DUSP12: variants seen among roughly 807,000 people sequenced by gnomAD.
DUSP12 encodes the protein dual specificity phosphatase 12, also known as dual specificity protein phosphatase 12.
A neutral mutation model predicts 38.9 loss-of-function variants in DUSP12; 25 were observed. That is an observed-to-expected ratio of 0.64 (90% CI 0.47 to 0.90). The LOEUF (loss-of-function observed/expected upper bound fraction) is 0.90, where lower values mean the gene tolerates loss of function less well. Among genes scored for constraint, DUSP12 ranks in the 40% least tolerant of loss-of-function variants. The pLI is 0.00. For synonymous variants in DUSP12, 153 were observed against 153.9 expected (o/e 0.99, Z 0.05); for missense variants, 403 against 427.0 (o/e 0.94, Z 0.50).
At chr1:161,752,979 G>C (rs1316295581) in intron 4 of DUSP12, 96 bp from the exon 5 acceptor site, 21 of 1,208,404 alleles carry the variant, frequency 1.7e-5, no homozygotes, top group Non-Finnish European at 2.1e-5. Context: ...GACAGAGTGA[G>C]ACTCTGTCTC....
rs2101692838 is a variant in DUSP12 at position 161,750,293 on chromosome 1, C to T, written c.344+148C>T. 5 of 854,196 alleles carry T rather than the reference C, an allele frequency of 5.9e-6. No homozygotes were observed. In the East Asian group the frequency reaches 1.1e-4, roughly 18 times the overall value. 52.9% of individuals were successfully genotyped at this position (854,196 alleles called of 1,614,324 possible). The stretch of plus-strand genomic sequence containing the variant: ...CTGCCTCCCGCAGGAGGCGTGTTTC[C>T]AAGAGAGGAGGAGGGTTGAGGCGGG... On this transcript the variant is annotated intron_variant, in intron 1 of 5. Transcript: ENST00000367943.
At position 161,752,479 on chromosome 1, in the gene DUSP12, A is replaced by G; in HGVS notation, c.674+15A>G. Reference sequence around the variant, plus strand: ...AGAAAGTGCAGGTAAACTATTTTATATCCTTTGGATATTTTATCTTGTCTC... The same window carrying G: ...AGAAAGTGCAGGTAAACTATTTTATGTCCTTTGGATATTTTATCTTGTCTC... On this transcript the variant is annotated intron_variant, in intron 4 of 5. Transcript: ENST00000367943. The G allele has an allele frequency of 6.6e-7, 1 of 1,526,616 alleles. No individual in the cohort carries two copies. The highest frequency in any genetic ancestry group is 9.0e-7 in the Non-Finnish European group (1 of 1,108,316). 94.6% of individuals were successfully genotyped at this position (1,526,616 alleles called of 1,614,324 possible). A position where few individuals can be genotyped will look rare whatever the true frequency, so the allele number is the denominator to read the frequency against.
At chr1:161,754,322 T>C (rs1010646047) in intron 5 of DUSP12, among the ~76,000 whole-genome samples, 2 of 152,188 alleles carry the variant, frequency 1.3e-5, no homozygotes, top group African/African-American at 4.8e-5. Context: ...CATTTTCGGA[T>C]AATGCTGCTT....
At chr1:161,750,547 T>A (rs566664666) in intron 1 of DUSP12, among the ~76,000 whole-genome samples, 15 of 152,312 alleles carry the variant, frequency 9.8e-5, no homozygotes, top group Non-Finnish European at 1.9e-4. Context: ...TGTTTTTGTT[T>A]GGGATGGGTG....
chr1:161,751,648 T>G lies in DUSP12; in HGVS notation c.345-20T>G. On this transcript the variant is annotated intron_variant, in intron 1 of 5. Coordinates refer to ENST00000367943, the MANE Select transcript of DUSP12 (RefSeq NM_007240.3). ...TAATTGTTGCTATTTGCTGTTTTAT[T>G]TTAAAGGTCTCTTTTTCAGTCATGC... 2 of 1,581,868 alleles carry G rather than the reference T, an allele frequency of 1.3e-6. No homozygotes were observed. The highest frequency in any genetic ancestry group is 2.4e-5 in the South Asian group (2 of 84,264).
chr1:161,752,346 A>G, intron 3 of DUSP12, 22 bp from the exon 4 acceptor site: 1 of 1,520,926 alleles, frequency 6.6e-7, no homozygotes. Context: ...ACAAATAAAT[A>G]CATTTTAATT....
intron 5 of DUSP12, among the ~76,000 whole-genome samples, chr1:161,755,477 G>T (rs997791136): frequency 6.6e-6 from 1 of 152,082 alleles, no homozygotes; most frequent in Non-Finnish European, 1.5e-5. Context: ...GCATGTACCC[G>T]TTACTCCATA....
chr1:161,756,483 C>CTATATATATATATATATATATA (rs10527814), intron 5 of DUSP12, among the ~76,000 whole-genome samples: 1 of 124,700 alleles, frequency 8.0e-6, no homozygotes, highest in Non-Finnish European at 1.7e-5. Flanking sequence ...GATTTAAAAG[C>CTATATATATATATATATATATA]TATATATATA....
chr1:161,754,337 T>C (rs72706022), intron 5 of DUSP12, among the ~76,000 whole-genome samples: 1 of 151,912 alleles, frequency 6.6e-6, no homozygotes, highest in African/African-American at 2.4e-5. Flanking sequence ...CTGCTTTTTT[T>C]AAAAAAAACA....
intron 1 of DUSP12, 193 bp from the exon 2 acceptor site, chr1:161,751,475 A>T: frequency 1.6e-6 from 1 of 629,438 alleles, no homozygotes; most frequent in Non-Finnish European, 2.6e-6. Flanking sequence ...TAATAGATTC[A>T]CGTGGTTCAG....
chr1:161,755,031 T>C (rs1230202809), intron 5 of DUSP12, among the ~76,000 whole-genome samples: 1 of 152,162 alleles, frequency 6.6e-6, no homozygotes, highest in Non-Finnish European at 1.5e-5. Context: ...GGTTTTTCCA[T>C]GTTGGTCAGG....
At chr1:161,752,025 A>C in intron 3 of DUSP12, 41 bp downstream of exon 3, 1 of 1,321,356 alleles carries the variant, frequency 7.6e-7, no homozygotes, top group Non-Finnish European at 1.1e-6. Context: ...TTTCTAGATG[A>C]CATTTACTTT....
At chr1:161,753,395 T>A in intron 5 of DUSP12, 134 bp downstream of exon 5, 1 of 748,850 alleles carries the variant, frequency 1.3e-6, no homozygotes, top group Non-Finnish European at 2.0e-6. Context: ...TATATCTTTC[T>A]AGTGTAGATA....
intron 1 of DUSP12, 86 bp from the exon 2 acceptor site, chr1:161,751,580 CTT>C: frequency 1.3e-6 from 2 of 1,511,312 alleles, no homozygotes; most frequent in Non-Finnish European, 1.8e-6. Context: ...TGGGCCTAAA[CTT>C]TACTATTAAT....
rs771871393 is a variant in DUSP12 at position 161,750,097 on chromosome 1, C to A, written c.296C>A (p.Ala99Asp). 1.2e-5 allele frequency: 20 copies of A among 1,613,942 alleles called. No homozygotes were observed. The East Asian group carries it at 4.5e-4, about 36-fold the overall frequency. ...DLLSHLDRCV[A>D]FIGQARAEGR... ...CTCAGCCATCTGGACCGGTGCGTGG[C>A]CTTCATCGGTCAGGCCCGCGCTGAG... The change falls in exon 1 of 6, where the codon GCC becomes GAC. Residue 99 changes from alanine to aspartate, a missense_variant. Transcript: ENST00000367943.
At chr1:161,752,031 A>ACTTTAG (rs1483183188) in intron 3 of DUSP12, 47 bp downstream of exon 3, 3 of 1,266,254 alleles carry the variant, frequency 2.4e-6, no homozygotes, top group Non-Finnish European at 3.4e-6. Context: ...GATGACATTT[A>ACTTTAG]CTTTAGCATT....
Position 161,750,160 on chromosome 1 carries a change from C to T in DUSP12, c.344+15C>T, listed in dbSNP as rs1405931189. On this transcript the variant is annotated intron_variant, in intron 1 of 5. Transcript: ENST00000367943. ...TTGGTGCACTGGTGAGTGGCCGGGT[C>T]AGTGGGTGACGTGCCCCGCCAAGCT... 2 of 1,598,384 alleles carry T rather than the reference C, an allele frequency of 1.3e-6. No homozygotes were observed. The highest frequency in any genetic ancestry group is 1.1e-5 in the South Asian group (1 of 89,024).
chr1:161,756,185 A>G (rs192500562), intron 5 of DUSP12, among the ~76,000 whole-genome samples: 12 of 152,296 alleles, frequency 7.9e-5, no homozygotes, highest in Non-Finnish European at 1.8e-4. Flanking sequence ...CTAGTTTTCT[A>G]TAGCTCAAGA....
chr1:161,751,627 T>C, intron 1 of DUSP12, 41 bp from the exon 2 acceptor site: 1 of 1,568,448 alleles, frequency 6.4e-7, no homozygotes. Flanking sequence ...TTTTTTTAAT[T>C]GTTGCTATTT....
Sources: allele counts gnomAD v4.1 joint callset (sites outside exome capture counted in the v4.1 genomes callset), GRCh38; gene constraint gnomAD v4.1.1; transcripts MANE v1.5; gene names NCBI Gene and HGNC (gene_info 2026-07-23, HGNC 2026-07-21).